The following TRIM5 variants were observed in gnomAD, a reference collection of about 807,000 sequenced individuals.
TRIM5 encodes tripartite motif containing 5, also known as tripartite motif-containing protein 5.
TRIM5 carries 31 observed loss-of-function variants against 35.6 expected under a neutral mutation model. The ratio of observed to expected loss-of-function variants is 0.87; its 90% CI spans 0.65 to 1.18. The LOEUF (loss-of-function observed/expected upper bound fraction) is 1.18. TRIM5 is among the 50% of genes most tolerant of loss of function. The pLI is 0.00. For missense variants in TRIM5, 609 were observed against 591.6 expected (o/e 1.03, Z -0.31); for synonymous variants, 243 against 215.6 (o/e 1.13, Z -1.11).
chr11:5,615,157 T>C, the TRIM5 span, among the ~76,000 whole-genome samples: 1,371 of 152,342 alleles, frequency 9.0e-3, 12 homozygotes, highest in Non-Finnish European at 0.015. Context: ...TTGAATCCTT[T>C]TTAATTGTAT....
At chr11:5,670,208 C>T (rs1851471760) in intron 4 of TRIM5, among the ~76,000 whole-genome samples, 1 of 107,600 alleles carries the variant, frequency 9.3e-6, no homozygotes, top group Non-Finnish European at 1.7e-5. Flanking sequence ...GATGGAGTCT[C>T]ACTCTGTCAC....
chr11:5,636,194 T>C, the TRIM5 span, among the ~76,000 whole-genome samples: 1 of 152,212 alleles, frequency 6.6e-6, no homozygotes, highest in African/African-American at 2.4e-5. Flanking sequence ...TGTTTAGCTG[T>C]GAAAAATAAT....
At chr11:5,610,896 G>A in the TRIM5 span, 4 of 1,614,060 alleles carry the variant, frequency 2.5e-6, no homozygotes, top group Non-Finnish European at 3.4e-6. Context: ...AAAGCATTAT[G>A]ACTGTAGTGT....
chr11:5,635,948 T>G, the TRIM5 span, among the ~76,000 whole-genome samples: 1 of 152,220 alleles, frequency 6.6e-6, no homozygotes, highest in African/African-American at 2.4e-5. Flanking sequence ...AGATGTAAAA[T>G]AGTAAAGCTA....
the TRIM5 span, among the ~76,000 whole-genome samples, chr11:5,637,811 T>G: frequency 6.6e-6 from 1 of 152,236 alleles, no homozygotes; most frequent in African/African-American, 2.4e-5. Context: ...ACTTTGCCTA[T>G]TCTAAGTACC....
the TRIM5 span, chr11:5,605,089 C>T: frequency 5.5e-6 from 3 of 546,706 alleles, no homozygotes; most frequent in Admixed American, 3.1e-5. Flanking sequence ...CTAAACGTCA[C>T]CCAGGAATCA....
downstream of TRIM5, among the ~76,000 whole-genome samples, chr11:5,658,929 A>T (rs1850721576): frequency 6.6e-6 from 1 of 152,002 alleles, no homozygotes; most frequent in African/African-American, 2.4e-5. Flanking sequence ...GCATGTTCTC[A>T]CTTGTAGGTG....
chr11:5,614,046 G>A, the TRIM5 span, among the ~76,000 whole-genome samples: 1 of 152,174 alleles, frequency 6.6e-6, no homozygotes, highest in Non-Finnish European at 1.5e-5. Context: ...GAGACTTGGG[G>A]ACAATTATTA....
the TRIM5 span, among the ~76,000 whole-genome samples, chr11:5,633,249 C>T: frequency 6.6e-6 from 1 of 151,278 alleles, no homozygotes; most frequent in Non-Finnish European, 1.5e-5. Flanking sequence ...CTTCTTTACC[C>T]CCTGTGGAAC....
chr11:5,648,601 T>G, the TRIM5 span, among the ~76,000 whole-genome samples: 1 of 152,084 alleles, frequency 6.6e-6, no homozygotes, highest in African/African-American at 2.4e-5. Flanking sequence ...GTGCTGAGAA[T>G]GGAGATAGGG....
chr11:5,644,426 A>G, the TRIM5 span: 1 of 394,950 alleles, frequency 2.5e-6, no homozygotes, highest in Non-Finnish European at 4.5e-6. Context: ...GTCCTGTGCA[A>G]TAGTTTTGTG....
At chr11:5,666,199 C>A in intron 5 of TRIM5, 118 bp from the exon 6 acceptor site, 1 of 847,942 alleles carries the variant, frequency 1.2e-6, no homozygotes. Context: ...CTTGGGGATC[C>A]TGAGAAGGGA....
rs773469097 is a variant in TRIM5 at position 5,680,000 on chromosome 11, TC to T, written c.177del (p.Ile60SerfsTer14). 73 of 1,614,146 alleles carry T rather than the reference TC, an allele frequency of 4.5e-5. No homozygotes were observed. In the East Asian group the frequency reaches 1.6e-3, roughly 35 times the overall value. Reference sequence around the variant, plus strand: ...CGTATGTTCTCAGGCTGGTAACTGATCCGGCACACAGGGCAGCTACTCTCTC... The same window carrying T: ...CGTATGTTCTCAGGCTGGTAACTGATCGGCACACAGGGCAGCTACTCTCTC... ...DKGESSCPVC[R>X]ISYQPENIRP... is the part of the protein sequence containing the mutation. On this transcript the variant is annotated frameshift_variant, in exon 2 of 8. Transcript: ENST00000380034. LOFTEE classifies it high-confidence loss of function.
At chr11:5,656,758 G>C in the TRIM5 span, among the ~76,000 whole-genome samples, 1 of 152,142 alleles carries the variant, frequency 6.6e-6, no homozygotes, top group Non-Finnish European at 1.5e-5. Flanking sequence ...AAACCACAAT[G>C]AGATACCATC....
chr11:5,599,077 G>A, the TRIM5 span, among the ~76,000 whole-genome samples: 1 of 152,248 alleles, frequency 6.6e-6, no homozygotes, highest in Admixed American at 6.5e-5. Context: ...TAAATTTGAT[G>A]TTTGGGTTCT....
the TRIM5 span, among the ~76,000 whole-genome samples, chr11:5,641,718 G>C: frequency 1.3e-5 from 2 of 152,194 alleles, no homozygotes; most frequent in Admixed American, 1.3e-4. Context: ...ATCTCTGCCA[G>C]TTCACACACT....
chr11:5,597,386 T>C, the TRIM5 span, among the ~76,000 whole-genome samples: 1 of 152,232 alleles, frequency 6.6e-6, no homozygotes. Flanking sequence ...ATTTTTAAAT[T>C]ATAGGTTTCT....
the TRIM5 span, chr11:5,632,199 A>T: frequency 3.9e-6 from 6 of 1,523,150 alleles, no homozygotes; most frequent in Admixed American, 4.4e-5. Flanking sequence ...TGTCTGTGCA[A>T]TTAGAATGCT....
the TRIM5 span, chr11:5,604,514 C>T: frequency 6.2e-7 from 1 of 1,605,202 alleles, no homozygotes; most frequent in Non-Finnish European, 8.5e-7. Flanking sequence ...TCCTGCTTGA[C>T]CTGATTTGTT....
Sources: gnomAD v4.1 joint callset for allele counts (sites outside exome capture counted in the v4.1 genomes callset) on GRCh38, gnomAD v4.1.1 for gene constraint, MANE v1.5 for transcripts, NCBI Gene and HGNC (gene_info 2026-07-23, HGNC 2026-07-21) for gene names.